Variants in SEC23B observed in about 807,000 individuals in gnomAD.
The protein encoded by SEC23B is SEC23 homolog B, COPII component.
A neutral mutation model predicts 104.3 loss-of-function variants in SEC23B; 77 were observed. The ratio of observed to expected loss-of-function variants is 0.74; its 90% confidence interval spans 0.61 to 0.89. SEC23B has a LOEUF of 0.89. Among genes scored for constraint, SEC23B ranks in the 40% least tolerant of loss-of-function variants. The probability of loss-of-function intolerance (pLI) is 0.00; values close to 1 mark genes in which losing one functional copy is unlikely to be tolerated. For synonymous variants in SEC23B, 338 were observed against 332.5 expected (o/e 1.02, Z -0.18); for missense variants, 885 against 949.4 (o/e 0.93, Z 0.89).
chr20:18,525,814 A>G lies in SEC23B; in HGVS notation c.716A>G (p.Asp239Gly), dbSNP rs761034212. The change falls in exon 7 of 20, where the codon GAT (aspartate) becomes GGT (glycine). Residue 239 changes from aspartate to glycine, a missense_variant. Coordinates refer to ENST00000650089, the MANE Select transcript of SEC23B (RefSeq NM_006363.6). ...TTTCTGCAGCCTGTTCACAAGATTG[A>G]TATGAACCTCACTGATCTTCTTGGG... ...SRFLQPVHKI[D>G]MNLTDLLGEL... is the part of the protein sequence containing the mutation. 1.1e-5 allele frequency: 18 copies of G among 1,614,080 alleles called. No homozygotes were observed. The highest frequency in any genetic ancestry group is 1.4e-5 in the Non-Finnish European group (17 of 1,180,044).
chr20:18,533,312 T>C (rs952705648), intron 11 of SEC23B, among the ~76,000 whole-genome samples: 3 of 152,218 alleles, frequency 2.0e-5, no homozygotes, highest in African/African-American at 7.2e-5. Flanking sequence ...CCTCTGATTA[T>C]ACTTTACTTG....
intron 14 of SEC23B, among the ~76,000 whole-genome samples, chr20:18,544,006 C>T (rs1489937844): frequency 6.6e-6 from 1 of 152,158 alleles, no homozygotes; most frequent in East Asian, 1.9e-4. Flanking sequence ...AATGAGCACT[C>T]GGGCGCCCAA....
intron 3 of SEC23B, among the ~76,000 whole-genome samples, chr20:18,513,469 G>C (rs912015333): frequency 2.0e-5 from 3 of 152,126 alleles, no homozygotes; most frequent in Non-Finnish European, 4.4e-5. Flanking sequence ...TGAATTTTAT[G>C]TTGCGTAAAC....
rs769478135 is a variant in SEC23B, at chr20:18,560,727, C to G, written c.2291C>G (p.Ser764Cys). The change falls in exon 20 of 20, where the codon TCC becomes TGC. Residue 764 changes from serine (S) to cysteine (C), a missense_variant. Physicochemically the swap from Ser to Cys is moderately radical, Grantham distance 112 (BLOSUM62 -1). Coordinates refer to ENST00000650089, the MANE Select transcript of SEC23B (RefSeq NM_006363.6). ...FMDHLKKLAVSSAC is the reference protein window; with the variant it reads ...FMDHLKKLAVCSAC ...GACCATTTGAAGAAGCTGGCTGTCT[C>G]CAGTGCCTGTTAAGCTGAGGATACA... 4 of 1,613,468 alleles carry G rather than the reference C, an allele frequency of 2.5e-6. No individual in the cohort carries two copies. Among genetic ancestry groups the G allele is most frequent in the Non-Finnish European group, 2.5e-6 (3 of 1,179,430 alleles).
intron 1 of SEC23B, 83 bp from the exon 2 acceptor site, chr20:18,510,739 T>A: frequency 1.9e-6 from 2 of 1,058,614 alleles, no homozygotes; most frequent in Admixed American, 1.9e-5. Flanking sequence ...AGAGAAACAC[T>A]GTGTTACATG....
Position 18,518,591 on chromosome 20 carries a change from T to TTTTTTTG in SEC23B, c.366+2861_366+2862insGTTTTTT, listed in dbSNP as rs1329415252. Among the ~76,000 whole-genome samples the TTTTTTTG allele has an allele frequency of 2.7e-3, 371 of 136,522 alleles. 5 individuals carry two copies. Among genetic ancestry groups the TTTTTTTG allele is most frequent in the Non-Finnish European group, 4.8e-3 (292 of 60,734 alleles). 89.6% of individuals were successfully genotyped at this position (136,522 alleles called of 152,430 possible). ...GTGAGGCTGGAAGGAGGTTTTTTTTTTTTTTTTTTTTTTTGTCTAAGAACC... is the reference window on the plus strand; with the variant it reads ...GTGAGGCTGGAAGGAGGTTTTTTTTTTTTTTTGTTTTTTTTTTTTTTGTCTAAGAACC... On this transcript the variant is annotated intron_variant, in intron 4 of 19. Transcript: ENST00000650089.
intron 19 of SEC23B, among the ~76,000 whole-genome samples, chr20:18,560,095 A>AC (rs2122197362): frequency 1.7e-5 from 1 of 58,146 alleles, no homozygotes; most frequent in Non-Finnish European, 3.1e-5. Flanking sequence ...AAAGTGTATT[A>AC]TTGTGTGTGT....
intron 11 of SEC23B, 151 bp from the exon 12 acceptor site, chr20:18,535,502 T>C: frequency 1.5e-6 from 1 of 654,388 alleles, no homozygotes; most frequent in East Asian, 2.8e-5. Flanking sequence ...TCTGTTCTCT[T>C]TTCAGGAGAA....
rs184974338 is a variant in SEC23B, at chr20:18,521,046, C to T, written c.367-3387C>T. On this transcript the variant is annotated intron_variant, in intron 4 of 19. Transcript: ENST00000650089. ...TTCCTTGGTCCAGTGGCCAGATTTC[C>T]GGCACTTGAAGCAAGCTCCTGCGGG... Among the ~76,000 whole-genome samples, 189 of 152,220 alleles carry T rather than the reference C, an allele frequency of 1.2e-3. 1 individual carries two copies. Among genetic ancestry groups the T allele is most frequent in the African/African-American group, 4.4e-3 (184 of 41,538 alleles).
At chr20:18,533,712 T>C (rs1390299806) in intron 11 of SEC23B, among the ~76,000 whole-genome samples, 2 of 152,134 alleles carry the variant, frequency 1.3e-5, no homozygotes, top group African/African-American at 2.4e-5. Context: ...GCAAGGTGAT[T>C]TGAGAGCACA....
intron 4 of SEC23B, among the ~76,000 whole-genome samples, chr20:18,516,752 A>G (rs2060032147): frequency 6.6e-6 from 1 of 151,672 alleles, no homozygotes; most frequent in East Asian, 1.9e-4. Flanking sequence ...ACGGGGTTTC[A>G]CCATGTTAGC....
At chr20:18,551,911 T>G (rs2060390198) in intron 17 of SEC23B, among the ~76,000 whole-genome samples, 1 of 152,138 alleles carries the variant, frequency 6.6e-6, no homozygotes. Context: ...GAGCTAAGGT[T>G]GTACTTTGAT....
intron 19 of SEC23B, among the ~76,000 whole-genome samples, chr20:18,555,778 A>C (rs746089367): frequency 1.3e-5 from 2 of 152,150 alleles, no homozygotes; most frequent in Non-Finnish European, 2.9e-5. Flanking sequence ...AACATCTTGC[A>C]AAAACTATAA....
chr20:18,554,205 A>C, intron 17 of SEC23B, 30 bp from the exon 18 acceptor site: 4 of 1,613,930 alleles, frequency 2.5e-6, no homozygotes. Flanking sequence ...CAGTTTCCAC[A>C]ATAGTTTTGG....
chr20:18,518,420 A>G (rs2060050248), intron 4 of SEC23B, among the ~76,000 whole-genome samples: 1 of 152,144 alleles, frequency 6.6e-6, no homozygotes, highest in Non-Finnish European at 1.5e-5. Flanking sequence ...GAGGAGTAGT[A>G]GAATAGCAGA....
chr20:18,540,293 GA>G (rs2060275950), intron 12 of SEC23B, among the ~76,000 whole-genome samples: 1 of 152,248 alleles, frequency 6.6e-6, no homozygotes, highest in African/African-American at 2.4e-5. Flanking sequence ...TAGCAGGCAT[GA>G]AAACGTTTAT....
intron 17 of SEC23B, among the ~76,000 whole-genome samples, chr20:18,553,964 A>T (rs1411651631): frequency 2.0e-5 from 3 of 152,316 alleles, no homozygotes; most frequent in African/African-American, 7.2e-5. Flanking sequence ...TGGGATGAGT[A>T]ATCCATGGGC....
intron 4 of SEC23B, 50 bp downstream of exon 4, chr20:18,515,786 T>C: frequency 1.7e-6 from 2 of 1,155,060 alleles, no homozygotes; most frequent in Non-Finnish European, 2.6e-6. Flanking sequence ...ACTGAATTTC[T>C]CTTGAAATCC....
chr20:18,535,683 A>G lies in SEC23B; in HGVS notation c.1345A>G (p.Lys449Glu). ...TGGTGTTGGTGGCACGAGTCAGTGG[A>G]AAATCTGTGGCCTAGATCCTACATC... is the stretch of plus-strand genomic sequence containing the variant. ...ELGVGGTSQW[K>E]ICGLDPTSTL... Residue 449 changes from lysine to glutamate, a missense_variant, in exon 12 of 20, where the codon AAA (lysine) becomes GAA (glutamate). Coordinates refer to ENST00000650089, the MANE Select transcript of SEC23B (RefSeq NM_006363.6). The G allele has an allele frequency of 6.2e-7, 1 of 1,613,506 alleles. No homozygotes were observed. Among genetic ancestry groups the G allele is most frequent in the South Asian group, 1.1e-5 (1 of 91,030 alleles).
Sources: gnomAD v4.1 joint callset for allele counts (sites outside exome capture counted in the v4.1 genomes callset) on GRCh38, gnomAD v4.1.1 for gene constraint, MANE v1.5 for transcripts, NCBI Gene and HGNC (gene_info 2026-07-23, HGNC 2026-07-21) for gene names.